NKAIN2: variants seen among roughly 807,000 people sequenced by gnomAD.
NKAIN2 encodes sodium/potassium transporting ATPase interacting 2.
In NKAIN2, 14 loss-of-function variants were observed where a neutral mutation model predicts 32.6. The observed-to-expected ratio is 0.43, with a 90% confidence interval of 0.28 to 0.67. The LOEUF is 0.67. Ranked by LOEUF, NKAIN2 falls within the 30% of genes least tolerant of loss-of-function variation. The probability of loss-of-function intolerance (pLI) is 0.17; values close to 1 mark genes in which losing one functional copy is unlikely to be tolerated. For missense variants in NKAIN2, 198 were observed against 258.3 expected (o/e 0.77, Z 1.60); for synonymous variants, 80 against 87.2 (o/e 0.92, Z 0.46).
intron 4 of NKAIN2, among the ~76,000 whole-genome samples, chr6:124,719,323 A>G (rs1459492540): frequency 6.6e-6 from 1 of 151,716 alleles, no homozygotes; most frequent in Non-Finnish European, 1.5e-5. Context: ...TTTTTTTCTG[A>G]CTATGGTACA....
At chr6:124,362,154 A>T (rs1799316920) in intron 3 of NKAIN2, among the ~76,000 whole-genome samples, 1 of 152,112 alleles carries the variant, frequency 6.6e-6, no homozygotes, top group South Asian at 2.1e-4. Flanking sequence ...ATGATAATAT[A>T]TTGGGTTCAT....
At chr6:124,349,373 C>A (rs62434726) in intron 2 of NKAIN2, among the ~76,000 whole-genome samples, 1 of 152,022 alleles carries the variant, frequency 6.6e-6, no homozygotes, top group Non-Finnish European at 1.5e-5. Flanking sequence ...CTCCAGGGAC[C>A]CCTTTTTACT....
intron 1 of NKAIN2, among the ~76,000 whole-genome samples, chr6:123,856,206 G>T (rs975601578): frequency 6.6e-6 from 1 of 152,046 alleles, no homozygotes; most frequent in Non-Finnish European, 1.5e-5. Context: ...GAATGTTTGA[G>T]AATTAACTAG....
intron 3 of NKAIN2, among the ~76,000 whole-genome samples, chr6:124,399,608 G>T (rs1212282160): frequency 6.6e-6 from 1 of 152,184 alleles, no homozygotes; most frequent in African/African-American, 2.4e-5. Flanking sequence ...CAGGCAGGCA[G>T]AACATTCCAG....
chr6:124,695,749 C>T (rs1774466806), intron 4 of NKAIN2, among the ~76,000 whole-genome samples: 1 of 152,018 alleles, frequency 6.6e-6, no homozygotes, highest in Non-Finnish European at 1.5e-5. Context: ...TAGGAGGGTT[C>T]AAAGAACACA....
chr6:124,030,049 CAA>C (rs929784369), intron 1 of NKAIN2, among the ~76,000 whole-genome samples: 7 of 151,898 alleles, frequency 4.6e-5, no homozygotes, highest in African/African-American at 1.2e-4. Context: ...CAAAAACAAA[CAA>C]ACAAACAAAC....
chr6:123,940,152 TCTG>T (rs890464678), intron 1 of NKAIN2, among the ~76,000 whole-genome samples: 1 of 151,922 alleles, frequency 6.6e-6, no homozygotes, highest in African/African-American at 2.4e-5. Flanking sequence ...GTGCTAGGAA[TCTG>T]CTGCTCGTGA....
At chr6:123,920,322 G>T (rs1339827009) in intron 1 of NKAIN2, among the ~76,000 whole-genome samples, 1 of 152,102 alleles carries the variant, frequency 6.6e-6, no homozygotes, top group Non-Finnish European at 1.5e-5. Context: ...AGCACTGACA[G>T]ATTTTAAATT....
chr6:124,740,557 A>G (rs1339414611), intron 4 of NKAIN2, among the ~76,000 whole-genome samples: 1 of 151,736 alleles, frequency 6.6e-6, no homozygotes, highest in Non-Finnish European at 1.5e-5. Flanking sequence ...TAGATCTGGA[A>G]GGGCAGGGAT....
chr6:124,443,844 T>A (rs1363478005), intron 3 of NKAIN2, among the ~76,000 whole-genome samples: 4 of 152,086 alleles, frequency 2.6e-5, no homozygotes, highest in Non-Finnish European at 5.9e-5. Context: ...ACACTGTTTC[T>A]TCTCCAAAAT....
intron 4 of NKAIN2, among the ~76,000 whole-genome samples, chr6:124,747,855 G>A (rs1336898689): frequency 6.6e-6 from 1 of 151,788 alleles, no homozygotes; most frequent in Non-Finnish European, 1.5e-5. Flanking sequence ...AGCAAAAATT[G>A]AAATAGGATA....
intron 4 of NKAIN2, among the ~76,000 whole-genome samples, chr6:124,767,993 G>T (rs1436115020): frequency 1.3e-5 from 2 of 151,996 alleles, no homozygotes; most frequent in African/African-American, 4.8e-5. Context: ...TGTGACAATG[G>T]CTTTATATTA....
intron 1 of NKAIN2, among the ~76,000 whole-genome samples, chr6:124,251,158 G>A (rs540518956): frequency 2.0e-5 from 3 of 152,084 alleles, no homozygotes; most frequent in Admixed American, 6.6e-5. Flanking sequence ...CTGAAAGCAA[G>A]TTTGTAGAAA....
intron 2 of NKAIN2, among the ~76,000 whole-genome samples, chr6:124,325,287 A>G (rs80097082): frequency 0.038 from 5,787 of 152,208 alleles, 149 homozygotes; most frequent in Non-Finnish European, 0.061. Context: ...TTTGCAATTC[A>G]TATTATATTG....
Position 124,809,891 on chromosome 6 carries a change from C to T in NKAIN2, c.536-8496C>T, listed in dbSNP as rs1454137931. ...AAAAAACACATGAAAAAATGCTCAC[C>T]ATCACTGGCCATCAGAGAAATGCAA... On this transcript the variant is annotated intron_variant, in intron 5 of 6. Coordinates refer to ENST00000368417, the MANE Select transcript of NKAIN2 (RefSeq NM_001040214.3). Among the ~76,000 whole-genome samples the T allele has an allele frequency of 1.3e-5, 2 of 152,140 alleles. 1 individual carries two copies. Among genetic ancestry groups the T allele is most frequent in the Non-Finnish European group, 2.9e-5 (2 of 68,026 alleles).
intron 3 of NKAIN2, among the ~76,000 whole-genome samples, chr6:124,500,758 G>A (rs989508651): frequency 3.3e-5 from 5 of 151,960 alleles, no homozygotes; most frequent in East Asian, 3.9e-4. Context: ...GTATAGTCAC[G>A]TGCTGGATTG....
chr6:123,977,497 T>C (rs1173097251), intron 1 of NKAIN2, among the ~76,000 whole-genome samples: 3 of 152,196 alleles, frequency 2.0e-5, no homozygotes, highest in African/African-American at 7.2e-5. Flanking sequence ...AATCAAATGG[T>C]TATCAAATGA....
chr6:123,836,324 G>A (rs1774618807), intron 1 of NKAIN2, among the ~76,000 whole-genome samples: 1 of 152,080 alleles, frequency 6.6e-6, no homozygotes, highest in African/African-American at 2.4e-5. Flanking sequence ...AATCTTGGCA[G>A]TAAGAACCTT....
At chr6:124,701,444 G>A (rs575416096) in intron 4 of NKAIN2, among the ~76,000 whole-genome samples, 16 of 151,974 alleles carry the variant, frequency 1.1e-4, no homozygotes, top group Non-Finnish European at 1.9e-4. Context: ...GTATTTTTGC[G>A]ATTTGTTCTC....
Sources: allele counts gnomAD v4.1 joint callset (sites outside exome capture counted in the v4.1 genomes callset), GRCh38; gene constraint gnomAD v4.1.1; transcripts MANE v1.5; gene names NCBI Gene and HGNC (gene_info 2026-07-23, HGNC 2026-07-21).